The following GALM variants were observed in gnomAD, a reference collection of about 807,000 sequenced individuals.
The protein encoded by GALM is galactose mutarotase, also known as aldose 1-epimerase.
Under a neutral mutation model 37.4 loss-of-function variants are expected in GALM, and 43 were observed. The observed-to-expected ratio is 1.15, with a 90% CI of 0.90 to 1.48. GALM has a LOEUF of 1.48. Ranked by LOEUF, GALM falls within the 40% of genes most tolerant of loss-of-function variation. GALM has a pLI of 0.00. For synonymous variants in GALM, 199 were observed against 170.6 expected, an observed-to-expected ratio of 1.17 and a Z score of -1.30; for missense variants, 456 against 419.1, an observed-to-expected ratio of 1.09 and a Z score of -0.77.
intron 4 of GALM, among the ~76,000 whole-genome samples, chr2:38,695,045 A>T (rs1665773809): frequency 6.6e-6 from 1 of 152,122 alleles, no homozygotes; most frequent in African/African-American, 2.4e-5. Flanking sequence ...TGTTATGAAC[A>T]AGTTGTGTTG....
rs762266173 is a variant in GALM, at chr2:38,689,859, C to T, written c.599C>T (p.Thr200Ile). 1.2e-6 allele frequency: 2 copies of T among 1,612,042 alleles called. No individual in the cohort carries two copies. Among genetic ancestry groups the T allele is most frequent in the Non-Finnish European group, 8.5e-7 (1 of 1,178,442 alleles). The stretch of plus-strand genomic sequence containing the variant: ...CATGAAGTCACCATAGAAGCGGATA[C>T]TTATTTGCCTGTGGATGAAACCCTG... ...NDHEVTIEAD[T>I]YLPVDETLIP... The change falls in exon 4 of 7, where the codon ACT (threonine) becomes ATT (isoleucine). Residue 200 changes from threonine (T) to isoleucine (I), a missense_variant. Transcript: ENST00000272252.
chr2:38,696,833 A>G (rs569130819), intron 4 of GALM, among the ~76,000 whole-genome samples: 2 of 124,422 alleles, frequency 1.6e-5, no homozygotes, highest in African/African-American at 3.2e-5. Context: ...TCTGTCAACC[A>G]GGCTGGAGTG....
chr2:38,707,185 C>T (rs1031769878), intron 4 of GALM, among the ~76,000 whole-genome samples: 1 of 152,058 alleles, frequency 6.6e-6, no homozygotes, highest in African/African-American at 2.4e-5. Flanking sequence ...GGGTGTACAT[C>T]TCCCCTGTAC....
chr2:38,710,905 C>A (rs1033022311), intron 4 of GALM, among the ~76,000 whole-genome samples: 2 of 151,448 alleles, frequency 1.3e-5, no homozygotes, highest in African/African-American at 4.9e-5. Context: ...AGGTGCCTGC[C>A]ACCACACCCA....
rs537975577 is a variant in GALM at position 38,676,904 on chromosome 2, G to T, written c.345+838G>T. On this transcript the variant is annotated intron_variant, in intron 2 of 6. Transcript: ENST00000272252. ...CTGCATGGGTGCCCCCGTCCAACAT[G>T]CTTCCCTGTACCTGTCATTAAGCCC... Among the ~76,000 whole-genome samples the T allele has an allele frequency of 6.6e-5, 10 of 152,334 alleles. No individual in the cohort carries two copies. The South Asian group carries it at 2.1e-3, about 32-fold the overall frequency.
intron 3 of GALM, among the ~76,000 whole-genome samples, chr2:38,687,341 C>A (rs746300900): frequency 6.6e-6 from 1 of 152,192 alleles, no homozygotes; most frequent in Non-Finnish European, 1.5e-5. Flanking sequence ...AGAGGAGAGG[C>A]CTTTGCCCTG....
rs76717995 is a variant in GALM, at chr2:38,670,324, C to T, written c.190+3973C>T. On this transcript the variant is annotated intron_variant, in intron 1 of 6. Coordinates refer to ENST00000272252, the MANE Select transcript of GALM (RefSeq NM_138801.3). Reference sequence around the variant, plus strand: ...TGTTTCCCCCAGTTGCCACCAAAGACCTGGCTATTAACTGCCATGAGAGGC... The same window carrying T: ...TGTTTCCCCCAGTTGCCACCAAAGATCTGGCTATTAACTGCCATGAGAGGC... 4.3e-3 allele frequency among the ~76,000 whole-genome samples: 658 copies of T among 152,208 alleles called. 9 individuals are homozygous for T. Among genetic ancestry groups the T allele is most frequent in the African/African-American group, 0.015 (634 of 41,538 alleles).
intron 1 of GALM, among the ~76,000 whole-genome samples, chr2:38,667,878 T>G (rs1371706678): frequency 6.6e-6 from 1 of 152,196 alleles, no homozygotes; most frequent in African/African-American, 2.4e-5. Context: ...TCTGCCTTTC[T>G]GTGTAACAGC....
chr2:38,675,555 G>GTGTGTC (rs1665238660), intron 1 of GALM, among the ~76,000 whole-genome samples: 1 of 83,694 alleles, frequency 1.2e-5, no homozygotes. Flanking sequence ...GTGTGTGTGT[G>GTGTGTC]TGTGTGTGTG....
chr2:38,722,030 T>TTCCCCCCCCC (rs1666385953), intron 4 of GALM, among the ~76,000 whole-genome samples: 2 of 41,396 alleles, frequency 4.8e-5, no homozygotes, highest in Non-Finnish European at 8.3e-5. Flanking sequence ...TGCCTTCCCT[T>TTCCCCCCCCC]CCCCCCCCCA....
rs778965304 is a variant in GALM, at chr2:38,681,282, G to A, written c.348G>A (p.Val116=). ...ACTTTGAAAACACTTTTTTCCAGGT[G>A]CTCTGGACCCCTCGGGTGCTGTCAA... ...LHGGVRGFDK[V]LWTPRVLSNG... The change falls in exon 3 of 7, where the codon GTG becomes GTA. Residue 116 remains valine, a splice_region_variant and synonymous_variant. Transcript: ENST00000272252. 6.2e-7 allele frequency: 1 copy of A among 1,612,678 alleles called. No homozygotes were observed. The highest frequency in any genetic ancestry group is 1.3e-5 in the African/African-American group (1 of 74,886).
At chr2:38,704,143 C>T (rs865861866) in intron 4 of GALM, among the ~76,000 whole-genome samples, 1 of 151,736 alleles carries the variant, frequency 6.6e-6, no homozygotes, top group African/African-American at 2.4e-5. Context: ...CTTTTTTCCT[C>T]TTTCAAAGTA....
chr2:38,687,662 G>C (rs1665569159), intron 3 of GALM, among the ~76,000 whole-genome samples: 1 of 151,082 alleles, frequency 6.6e-6, no homozygotes, highest in African/African-American at 2.4e-5. Context: ...AGTGACCCAA[G>C]ATTGCGCCAC....
chr2:38,681,342 TGAA>T lies in GALM; in HGVS notation c.413_415del (p.Glu138del). 1 of 1,614,024 alleles carries T rather than the reference TGAA, an allele frequency of 6.2e-7. No individual in the cohort carries two copies. The highest frequency in any genetic ancestry group is 8.5e-7 in the Non-Finnish European group (1 of 1,180,030). ...AGTTCTCGCGCATCAGTCCAGATGG[TGAA>T]GAAGGCTACCCCGGAGAGTTAAAAG... On this transcript the variant is annotated inframe_deletion, in exon 3 of 7. Transcript: ENST00000272252.
At chr2:38,720,510 C>T (rs1666355310) in intron 4 of GALM, among the ~76,000 whole-genome samples, 1 of 150,730 alleles carries the variant, frequency 6.6e-6, no homozygotes, top group African/African-American at 2.4e-5. Context: ...GAAGTCAGTG[C>T]TAGGAGGTGA....
At position 38,666,317 on chromosome 2, in the gene GALM, C is replaced by T. The variant is rs71439225; in HGVS notation, c.156C>T (p.Ala52=). Reference sequence around the variant, plus strand: ...AGGTCAAAGACAGGCAGGGGAGAGCCTCGGACGTGGTGCTTGGCTTCGCCG... The same window carrying T: ...AGGTCAAAGACAGGCAGGGGAGAGCTTCGGACGTGGTGCTTGGCTTCGCCG... ...ALEVKDRQGR[A]SDVVLGFAEL... The change falls in exon 1 of 7, where the codon GCC becomes GCT. Residue 52 remains alanine, a synonymous_variant. Transcript: ENST00000272252. The T allele has an allele frequency of 1.2e-6, 2 of 1,613,416 alleles. No individual in the cohort carries two copies. The highest frequency in any genetic ancestry group is 1.7e-6 in the Non-Finnish European group (2 of 1,179,642).
chr2:38,729,647 T>G lies in GALM; in HGVS notation c.726T>G (p.Phe242Leu). ...KHLQDFHLNG[F>L]DHNFCLKGSK... Reference sequence around the variant, plus strand: ...TGCAGGACTTCCATCTCAATGGTTTTGACCACAATTTCTGTCTGAAGGGAT... The same window carrying G: ...TGCAGGACTTCCATCTCAATGGTTTGGACCACAATTTCTGTCTGAAGGGAT... Residue 242 changes from phenylalanine (F) to leucine (L), a missense_variant, in exon 5 of 7, where the codon TTT (phenylalanine) becomes TTG (leucine). Physicochemically the swap from Phe to Leu is conservative, Grantham distance 22. Transcript: ENST00000272252. 1.9e-6 allele frequency: 3 copies of G among 1,613,780 alleles called. No homozygotes were observed. In the South Asian group the frequency reaches 3.3e-5, roughly 18 times the overall value.
chr2:38,700,466 C>A (rs1487898968), intron 4 of GALM, among the ~76,000 whole-genome samples: 2 of 151,204 alleles, frequency 1.3e-5, no homozygotes, highest in Non-Finnish European at 2.9e-5. Context: ...TGAATTGATC[C>A]CTTTATCATT....
chr2:38,722,375 T>C (rs963689144), intron 4 of GALM, among the ~76,000 whole-genome samples: 3 of 152,270 alleles, frequency 2.0e-5, no homozygotes, highest in Admixed American at 6.5e-5. Flanking sequence ...TAGTGGGCCC[T>C]TGATGCTGTC....
Sources: gnomAD v4.1 joint callset for allele counts (sites outside exome capture counted in the v4.1 genomes callset) on GRCh38, gnomAD v4.1.1 for gene constraint, MANE v1.5 for transcripts, NCBI Gene and HGNC (gene_info 2026-07-23, HGNC 2026-07-21) for gene names.